The following EPHA5 variants were observed in gnomAD, a reference collection of about 807,000 sequenced individuals.
The protein encoded by EPHA5 is ephrin type-A receptor 5.
A neutral mutation model predicts 105.0 loss-of-function variants in EPHA5; 60 were observed. That is an observed-to-expected ratio of 0.57 (90% CI 0.46 to 0.71). The LOEUF (loss-of-function observed/expected upper bound fraction) is 0.71, where lower values mean the gene tolerates loss of function less well. EPHA5 is among the 30% of genes least tolerant of loss of function. The pLI, the probability that EPHA5 is intolerant of heterozygous loss-of-function variation, is 0.00. For synonymous variants in EPHA5, 513 were observed against 449.1 expected, an observed-to-expected ratio of 1.14 and a Z score of -1.80; for missense variants, 1,218 against 1,274.7, an observed-to-expected ratio of 0.96 and a Z score of 0.68.
At chr4:65,331,131 T>C (rs1358279000) in intron 16 of EPHA5, 11 of 1,035,128 alleles carry the variant, frequency 1.1e-5, no homozygotes, top group African/African-American at 1.7e-5. Context: ...CCTTACAATA[T>C]TTTAACCTTT....
At chr4:65,518,226 T>C (rs1175889070) in intron 3 of EPHA5, among the ~76,000 whole-genome samples, 3 of 151,980 alleles carry the variant, frequency 2.0e-5, no homozygotes, top group African/African-American at 7.2e-5. Context: ...CATATTTGTT[T>C]AAATTAAAAT....
intron 2 of EPHA5, among the ~76,000 whole-genome samples, chr4:65,614,062 G>A (rs1192086971): frequency 6.6e-6 from 1 of 151,856 alleles, no homozygotes; most frequent in African/African-American, 2.4e-5. Flanking sequence ...TACAGATTTA[G>A]TGAAGTTGAA....
intron 3 of EPHA5, among the ~76,000 whole-genome samples, chr4:65,571,420 A>C (rs1740168831): frequency 6.6e-6 from 1 of 151,940 alleles, no homozygotes; most frequent in Admixed American, 6.6e-5. Flanking sequence ...TTAAAAAAGT[A>C]CTATACTAGT....
chr4:65,480,351 T>G (rs1358970100), intron 5 of EPHA5, among the ~76,000 whole-genome samples: 2 of 152,312 alleles, frequency 1.3e-5, no homozygotes, highest in Admixed American at 6.5e-5. Context: ...TAGGGAAGCC[T>G]GTCTTTCCAA....
intron 2 of EPHA5, among the ~76,000 whole-genome samples, chr4:65,612,936 T>C (rs1212027380): frequency 6.6e-6 from 1 of 152,158 alleles, no homozygotes; most frequent in East Asian, 1.9e-4. Context: ...GAGGTCTTAA[T>C]CATGCATACT....
In EPHA5 at chr4:65,615,422, G is replaced by A. The variant is rs1745144266; in HGVS notation, c.247-13118C>T. ...AAGAGGAAATCAACTCAGTAGAGAGGAACAAGAATATGACAATAAGCTGAC... is the reference window on the plus strand; with the variant it reads ...AAGAGGAAATCAACTCAGTAGAGAGAAACAAGAATATGACAATAAGCTGAC... On this transcript the variant is annotated intron_variant, in intron 2 of 16. Coordinates refer to ENST00000613740, the MANE Select transcript of EPHA5 (RefSeq NM_001281766.3). Among the ~76,000 whole-genome samples, 3 of 151,736 alleles carry A rather than the reference G, an allele frequency of 2.0e-5. No individual in the cohort carries two copies. In the South Asian group the frequency reaches 6.2e-4, roughly 31 times the overall value.
chr4:65,550,424 G>A (rs1381050564), intron 3 of EPHA5, among the ~76,000 whole-genome samples: 2 of 152,128 alleles, frequency 1.3e-5, no homozygotes, highest in South Asian at 2.1e-4. Flanking sequence ...AAGTTTGGAC[G>A]CCCTTAATAG....
chr4:65,413,076 C>T (rs919693327), intron 7 of EPHA5, among the ~76,000 whole-genome samples: 1 of 152,134 alleles, frequency 6.6e-6, no homozygotes, highest in Non-Finnish European at 1.5e-5. Context: ...TTTTTTCCTA[C>T]ATCCCTTTTA....
chr4:65,428,329 C>T (rs1424971394), intron 5 of EPHA5, among the ~76,000 whole-genome samples: 1 of 152,046 alleles, frequency 6.6e-6, no homozygotes, highest in Non-Finnish European at 1.5e-5. Flanking sequence ...TACTTACATA[C>T]TTAGTATATC....
chr4:65,589,699 A>G (rs938055184), intron 3 of EPHA5, among the ~76,000 whole-genome samples: 1 of 152,170 alleles, frequency 6.6e-6, no homozygotes, highest in African/African-American at 2.4e-5. Context: ...TAAATAATAC[A>G]GGTCAGTCTG....
chr4:65,633,613 C>T (rs1195872790), intron 2 of EPHA5, among the ~76,000 whole-genome samples: 1 of 151,766 alleles, frequency 6.6e-6, no homozygotes, highest in Non-Finnish European at 1.5e-5. Context: ...TGGACTATAT[C>T]ATTTGGCAGA....
rs1475479515 is a variant in EPHA5 at position 65,320,246 on chromosome 4, T to C, written c.*3868A>G. ...GAAAATTATTCAATGTAAACAGCTG[T>C]GCTACAGAGTTGAAAAAATGATGAC... is the stretch of plus-strand genomic sequence containing the variant. On this transcript the variant is annotated 3_prime_UTR_variant, in exon 17 of 17. Transcript: ENST00000613740. 8 of 230,052 alleles carry C rather than the reference T, an allele frequency of 3.5e-5. No individual in the cohort carries two copies. Among genetic ancestry groups the C allele is most frequent in the Non-Finnish European group, 6.9e-5 (8 of 116,080 alleles). 14.3% of individuals were successfully genotyped at this position (230,052 alleles called of 1,614,324 possible). A position where few individuals can be genotyped will look rare whatever the true frequency, so the allele number is the denominator to read the frequency against.
At chr4:65,526,533 T>A (rs1444499203) in intron 3 of EPHA5, among the ~76,000 whole-genome samples, 1 of 152,016 alleles carries the variant, frequency 6.6e-6, no homozygotes, top group Non-Finnish European at 1.5e-5. Flanking sequence ...ATCAGATATT[T>A]TTTATTTCAT....
At chr4:65,355,523 C>CAGAAA (rs1723217261) in intron 11 of EPHA5, among the ~76,000 whole-genome samples, 2 of 151,596 alleles carry the variant, frequency 1.3e-5, no homozygotes, top group Admixed American at 6.6e-5. Context: ...GTCCCATTCT[C>CAGAAA]ACATCTCTGA....
At chr4:65,506,723 G>C (rs937956393) in intron 3 of EPHA5, among the ~76,000 whole-genome samples, 1 of 151,320 alleles carries the variant, frequency 6.6e-6, no homozygotes, top group African/African-American at 2.4e-5. Context: ...GGAGTTGTTT[G>C]TTTTTTTCTT....
In EPHA5 at chr4:65,390,173, G is replaced by C. The variant is rs539086052; in HGVS notation, c.1793+14201C>G. ...CTAGCCAGTTCCTAGAAGTAGCAAA[G>C]TACTTAGCCTACAGCATGTATTTGA... is the stretch of plus-strand genomic sequence containing the variant. On this transcript the variant is annotated intron_variant, in intron 8 of 16. Transcript: ENST00000613740. 4.6e-5 allele frequency among the ~76,000 whole-genome samples: 7 copies of C among 152,108 alleles called. No homozygotes were observed. In the South Asian group the frequency reaches 1.2e-3, roughly 27 times the overall value.
chr4:65,656,930 A>T (rs1749123969), intron 1 of EPHA5, among the ~76,000 whole-genome samples: 2 of 145,672 alleles, frequency 1.4e-5, no homozygotes. Flanking sequence ...ATATTATTTT[A>T]GAGTAAATGA....
intron 8 of EPHA5, among the ~76,000 whole-genome samples, chr4:65,401,904 TGAGA>T (rs34334792): frequency 0.14 from 21,026 of 148,370 alleles, 1,566 homozygotes; most frequent in African/African-American, 0.18. Context: ...TGTGTGTGTG[TGAGA>T]GAGAGAGAGA....
intron 5 of EPHA5, among the ~76,000 whole-genome samples, chr4:65,462,028 A>G (rs1728174886): frequency 6.6e-6 from 1 of 152,132 alleles, no homozygotes; most frequent in South Asian, 2.1e-4. Flanking sequence ...GAGATAGTAG[A>G]CAGATTGATA....
Sources: gnomAD v4.1 joint callset for allele counts (sites outside exome capture counted in the v4.1 genomes callset) on GRCh38, gnomAD v4.1.1 for gene constraint, MANE v1.5 for transcripts, NCBI Gene and HGNC (gene_info 2026-07-23, HGNC 2026-07-21) for gene names.